Variants in TYW1B observed in about 807,000 individuals in gnomAD.
The protein encoded by TYW1B is tRNA-yW synthesizing protein 1 homolog B.
Under a neutral mutation model 86.9 loss-of-function variants are expected in TYW1B, and 73 were observed. The observed-to-expected ratio is 0.84, with a 90% CI of 0.70 to 1.02. TYW1B has a LOEUF of 1.02. Ranked by LOEUF, TYW1B falls within the 50% of genes least tolerant of loss-of-function variation. The pLI is 0.00. For synonymous variants in TYW1B, 248 were observed against 292.8 expected (o/e 0.85, Z 1.56); for missense variants, 637 against 827.4 (o/e 0.77, Z 2.82).
chr7:72,758,121 G>A (rs115693861), intron 7 of TYW1B, among the ~76,000 whole-genome samples: 1,886 of 152,184 alleles, frequency 0.012, 37 homozygotes, highest in African/African-American at 0.042. Flanking sequence ...TAGGGAGGCC[G>A]AGGCAGGAGA....
At chr7:72,763,930 G>A (rs1043684601) in intron 7 of TYW1B, among the ~76,000 whole-genome samples, 1 of 152,048 alleles carries the variant, frequency 6.6e-6, no homozygotes, top group African/African-American at 2.4e-5. Flanking sequence ...ATTTCTGTGG[G>A]TATGTTATTG....
At position 72,574,526 on chromosome 7, in the gene TYW1B, T is replaced by C. The variant is rs2129567442; in HGVS notation, c.*972A>G. On this transcript the variant is annotated 3_prime_UTR_variant, in exon 14 of 14. Transcript: ENST00000620995. ...TCATGCTGCAAGTCTTTACAAAATA[T>C]TATTTTATTAATTCAATTTTTGCAT... 1.0e-6 allele frequency: 1 copy of C among 962,378 alleles called. No homozygotes were observed. The highest frequency in any genetic ancestry group is 1.2e-6 in the Non-Finnish European group (1 of 808,896). 59.6% of individuals were successfully genotyped at this position (962,378 alleles called of 1,614,324 possible).
chr7:72,809,082 G>A (rs1401285197), intron 4 of TYW1B, among the ~76,000 whole-genome samples: 1 of 131,526 alleles, frequency 7.6e-6, no homozygotes, highest in African/African-American at 2.9e-5. Flanking sequence ...TCACTCTGTC[G>A]CCCAGGCTAG....
chr7:72,687,109 G>A (rs1388723596), intron 11 of TYW1B, among the ~76,000 whole-genome samples: 3 of 152,124 alleles, frequency 2.0e-5, no homozygotes, highest in East Asian at 3.8e-4. Flanking sequence ...AAAATGAGGA[G>A]CTCTGTTTAT....
chr7:72,582,362 A>C (rs1554429741), intron 13 of TYW1B, among the ~76,000 whole-genome samples: 1 of 152,218 alleles, frequency 6.6e-6, no homozygotes, highest in Non-Finnish European at 1.5e-5. Flanking sequence ...ACAGAGGATT[A>C]GGAATCTGAA....
intron 5 of TYW1B, among the ~76,000 whole-genome samples, chr7:72,803,447 T>C (rs71554646): frequency 0.057 from 8,602 of 152,190 alleles, 544 homozygotes; most frequent in East Asian, 0.32. Flanking sequence ...AATGTTCATA[T>C]ACCCATTCAT....
chr7:72,647,223 C>T (rs1322556488), intron 11 of TYW1B, among the ~76,000 whole-genome samples: 7 of 152,014 alleles, frequency 4.6e-5, no homozygotes, highest in Admixed American at 3.9e-4. Context: ...GAGTTTAGCA[C>T]GACAGGCATA....
In TYW1B at chr7:72,678,650, A is replaced by G. The variant is rs1163304103; in HGVS notation, c.1506+16037T>C. On this transcript the variant is annotated intron_variant, in intron 11 of 13. Coordinates refer to ENST00000620995, the MANE Select transcript of TYW1B (RefSeq NM_001145440.3). ...TTTTTTTTTTTTTTTTTTGAGATGG[A>G]AACTCGCTCAGCCGCCAAGTAGCTG... Among the ~76,000 whole-genome samples the G allele has an allele frequency of 3.2e-4, 35 of 109,738 alleles. No individual in the cohort carries two copies. In the East Asian group the frequency reaches 5.5e-3, roughly 17 times the overall value. The allele number at this position is 109,738 out of a possible 152,430, so 72.0% of individuals were successfully genotyped here.
At position 72,616,792 on chromosome 7, in the gene TYW1B, G is replaced by A. The variant is rs1269936774; in HGVS notation, c.1665C>T (p.Ala555=). 5 of 1,614,054 alleles carry A rather than the reference G, an allele frequency of 3.1e-6. No individual in the cohort carries two copies. The highest frequency in any genetic ancestry group is 1.7e-5 in the Admixed American group (1 of 60,004). ...CCACTTCCTCATGCCAGGGCACATGGGCCATGGTAAGACTGCTTGCTGAAC... is the reference window on the plus strand; with the variant it reads ...CCACTTCCTCATGCCAGGGCACATGAGCCATGGTAAGACTGCTTGCTGAAC... ...RESSASSLTM[A]HVPWHEEVVQ... is the part of the protein sequence containing the mutation. Residue 555 remains alanine (A), a synonymous_variant, in exon 13 of 14, where the codon GCC becomes GCT. Transcript: ENST00000620995.
At chr7:72,619,635 A>G (rs2960911) in intron 12 of TYW1B, among the ~76,000 whole-genome samples, 29,599 of 145,994 alleles carry the variant, frequency 0.2, 3,677 homozygotes, top group East Asian at 0.53. Flanking sequence ...GCGACAGAGC[A>G]AGACTCCGTC....
At chr7:72,645,412 A>C (rs1208966962) in intron 11 of TYW1B, among the ~76,000 whole-genome samples, 1 of 152,218 alleles carries the variant, frequency 6.6e-6, no homozygotes, top group African/African-American at 2.4e-5. Flanking sequence ...AGAACACCCA[A>C]TGAGGCAGCA....
At chr7:72,680,778 C>A (rs1554448350) in intron 11 of TYW1B, among the ~76,000 whole-genome samples, 3 of 152,052 alleles carry the variant, frequency 2.0e-5, no homozygotes, top group African/African-American at 7.2e-5. Flanking sequence ...TTACAGGATA[C>A]TGATTCCCTC....
At chr7:72,799,325 A>ATTTTT (rs1788363836) in intron 6 of TYW1B, among the ~76,000 whole-genome samples, 1 of 147,712 alleles carries the variant, frequency 6.8e-6, no homozygotes, top group Non-Finnish European at 1.5e-5. Flanking sequence ...TGCCCGGCTA[A>ATTTTT]TTTTTTTTGT....
In TYW1B at chr7:72,601,970, A is replaced by G. The variant is rs539725129; in HGVS notation, c.1785+14702T>C. On this transcript the variant is annotated intron_variant, in intron 13 of 13. Transcript: ENST00000620995. Reference sequence around the variant, plus strand: ...AATTATTCTAAGTGATACTGTCATGATAAATGTATGACATTATGCACTTGT... The same window carrying G: ...AATTATTCTAAGTGATACTGTCATGGTAAATGTATGACATTATGCACTTGT... Among the ~76,000 whole-genome samples the G allele has an allele frequency of 5.9e-5, 9 of 152,350 alleles. No homozygotes were observed. In the South Asian group the frequency reaches 1.4e-3, roughly 25 times the overall value.
At position 72,807,207 on chromosome 7, in the gene TYW1B, C is replaced by T. The variant is rs1585998897; in HGVS notation, c.582G>A (p.Leu194=). ...TTCTCTCCCCTTTCTGAAGTGCCTG[C>T]AGCTGGGAGATGAACTTGGTCTTCC... ...RAWKTKFISQ[L]QALQKGERKK... Residue 194 remains leucine, a synonymous_variant, in exon 5 of 14, where the codon CTG becomes CTA. Coordinates refer to ENST00000620995, the MANE Select transcript of TYW1B (RefSeq NM_001145440.3). The T allele has an allele frequency of 1.9e-6, 3 of 1,613,966 alleles. No individual in the cohort carries two copies. The highest frequency in any genetic ancestry group is 1.7e-6 in the Non-Finnish European group (2 of 1,179,994).
At chr7:72,622,707 T>C (rs1485291224) in intron 12 of TYW1B, among the ~76,000 whole-genome samples, 1 of 146,284 alleles carries the variant, frequency 6.8e-6, no homozygotes, top group Non-Finnish European at 1.5e-5. Flanking sequence ...AACACACACA[T>C]GCACACACAC....
In TYW1B at chr7:72,715,882, C is replaced by T. The variant is rs190732122; in HGVS notation, c.1193-2084G>A. ...ATGGAGCTTGGGCCTAGGGGAGAAG[C>T]GTGTTCATGTGTCTTCTCCGACTCC... is the stretch of plus-strand genomic sequence containing the variant. On this transcript the variant is annotated intron_variant, in intron 9 of 13. Coordinates refer to ENST00000620995, the MANE Select transcript of TYW1B (RefSeq NM_001145440.3). 6.5e-3 allele frequency among the ~76,000 whole-genome samples: 990 copies of T among 152,108 alleles called. 12 individuals carry two copies. The highest frequency in any genetic ancestry group is 0.021 in the African/African-American group (851 of 41,478).
At chr7:72,664,162 A>ATGACAATC (rs1438676332) in intron 11 of TYW1B, among the ~76,000 whole-genome samples, 2 of 152,132 alleles carry the variant, frequency 1.3e-5, no homozygotes, top group African/African-American at 4.8e-5. Flanking sequence ...GCCAAACATT[A>ATGACAATC]TGACAATCTG....
intron 9 of TYW1B, among the ~76,000 whole-genome samples, chr7:72,715,067 G>C (rs1415657998): frequency 1.3e-5 from 2 of 152,120 alleles, no homozygotes; most frequent in African/African-American, 4.8e-5. Context: ...TGAAACCAGA[G>C]GGGCCCAACC....
Sources: allele counts gnomAD v4.1 joint callset (sites outside exome capture counted in the v4.1 genomes callset), GRCh38; gene constraint gnomAD v4.1.1; transcripts MANE v1.5; gene names NCBI Gene and HGNC (gene_info 2026-07-23, HGNC 2026-07-21).